Variants in SIPA1L1 observed in about 807,000 individuals in gnomAD.
SIPA1L1 encodes the protein signal-induced proliferation-associated 1-like protein 1.
SIPA1L1 carries 26 observed loss-of-function variants against 162.7 expected under a neutral mutation model. The observed-to-expected ratio is 0.16, with a 90% confidence interval of 0.12 to 0.22. The LOEUF (loss-of-function observed/expected upper bound fraction) is 0.22, where lower values mean the gene tolerates loss of function less well. SIPA1L1 is among the 10% of genes least tolerant of loss of function. SIPA1L1 has a pLI of 1.00. For synonymous variants in SIPA1L1, 829 were observed against 837.4 expected, an observed-to-expected ratio of 0.99 and a Z score of 0.17; for missense variants, 1,874 against 2,241.0, an observed-to-expected ratio of 0.84 and a Z score of 3.31.
At chr14:71,416,750 C>G (rs527478495) in intron 2 of SIPA1L1, among the ~76,000 whole-genome samples, 1 of 151,110 alleles carries the variant, frequency 6.6e-6, no homozygotes, top group African/African-American at 2.4e-5. Flanking sequence ...CACACACACA[C>G]ACGCATGCAC....
At position 71,740,901 on chromosome 14, in the gene SIPA1L1, T is replaced by C. The variant is rs756166464; in HGVS notation, c.*1740T>C. On this transcript the variant is annotated 3_prime_UTR_variant, in exon 24 of 24. Coordinates refer to ENST00000381232, the MANE Select transcript of SIPA1L1 (RefSeq NM_001386936.1). ...GAAGTCTTGCTTATCCTTCTGAGTT[T>C]AGTTCTCATTTTGTTTTACATTTTG... is the stretch of plus-strand genomic sequence containing the variant. The C allele has an allele frequency of 6.6e-6, 1 of 151,850 alleles. No individual in the cohort carries two copies. The highest frequency in any genetic ancestry group is 2.4e-5 in the African/African-American group (1 of 41,476). 9.4% of individuals were successfully genotyped at this position (151,850 alleles called of 1,614,324 possible).
At chr14:71,676,591 C>A (rs1387852713) in intron 12 of SIPA1L1, among the ~76,000 whole-genome samples, 1 of 150,166 alleles carries the variant, frequency 6.7e-6, no homozygotes, top group African/African-American at 2.4e-5. Context: ...TCATCATTTA[C>A]ATTAGGTATA....
intron 4 of SIPA1L1, among the ~76,000 whole-genome samples, chr14:71,567,188 G>A (rs1301602510): frequency 6.6e-6 from 1 of 152,214 alleles, no homozygotes; most frequent in Non-Finnish European, 1.5e-5. Flanking sequence ...CAACTTTGGA[G>A]TGAAGTTTGA....
At chr14:71,538,270 T>G (rs1349862104) in intron 4 of SIPA1L1, among the ~76,000 whole-genome samples, 1 of 152,204 alleles carries the variant, frequency 6.6e-6, no homozygotes, top group Non-Finnish European at 1.5e-5. Flanking sequence ...TTCTAACTAT[T>G]CTTACTTTTT....
chr14:71,610,046 G>C (rs1027864291), intron 5 of SIPA1L1, among the ~76,000 whole-genome samples: 1 of 152,144 alleles, frequency 6.6e-6, no homozygotes, highest in African/African-American at 2.4e-5. Context: ...CAGCAGCTCT[G>C]TTAATTACCA....
At chr14:71,568,797 G>T (rs1197217431) in intron 4 of SIPA1L1, among the ~76,000 whole-genome samples, 1 of 152,162 alleles carries the variant, frequency 6.6e-6, no homozygotes, top group Non-Finnish European at 1.5e-5. Flanking sequence ...ACTATTATGG[G>T]TCCATTTCCG....
At chr14:71,677,317 GTTGT>G (rs1336689632) in intron 12 of SIPA1L1, among the ~76,000 whole-genome samples, 1 of 152,180 alleles carries the variant, frequency 6.6e-6, no homozygotes, top group Non-Finnish European at 1.5e-5. Context: ...TTTTGATGGG[GTTGT>G]TTGATTTTTT....
chr14:71,708,017 T>G lies in SIPA1L1; in HGVS notation c.3766-1205T>G, dbSNP rs1189432564. On this transcript the variant is annotated intron_variant, in intron 16 of 23. Coordinates refer to ENST00000381232, the MANE Select transcript of SIPA1L1 (RefSeq NM_001386936.1). ...TTGTTGGACATTTGTTTTTTGGTGT[T>G]TTTTTTTTTTTGTTTTTTTTTTTTT... is the stretch of plus-strand genomic sequence containing the variant. Among the ~76,000 whole-genome samples, 9 of 22,662 alleles carry G rather than the reference T, an allele frequency of 4.0e-4. No homozygotes were observed. In the African/African-American group the frequency reaches 4.0e-3, roughly 10 times the overall value. 14.9% of individuals were successfully genotyped at this position (22,662 alleles called of 152,430 possible).
chr14:71,559,314 C>T (rs1339118210), intron 4 of SIPA1L1, among the ~76,000 whole-genome samples: 2 of 152,064 alleles, frequency 1.3e-5, no homozygotes, highest in African/African-American at 2.4e-5. Context: ...GTGATCTGCC[C>T]GCCTCGGCCT....
intron 2 of SIPA1L1, among the ~76,000 whole-genome samples, chr14:71,431,652 C>G (rs1284904706): frequency 3.3e-5 from 5 of 151,930 alleles, no homozygotes; most frequent in Non-Finnish European, 5.9e-5. Context: ...TGTGATTGCA[C>G]CACTGTACTC....
At chr14:71,628,082 C>T (rs377684458) in intron 7 of SIPA1L1, among the ~76,000 whole-genome samples, 1 of 151,902 alleles carries the variant, frequency 6.6e-6, no homozygotes, top group South Asian at 2.1e-4. Context: ...CCCAGGAGTT[C>T]GAGACCAGCC....
intron 22 of SIPA1L1, among the ~76,000 whole-genome samples, chr14:71,735,826 A>C (rs1320426096): frequency 6.6e-6 from 1 of 152,154 alleles, no homozygotes; most frequent in East Asian, 1.9e-4. Context: ...TGTGTGTTGG[A>C]AAGCTAAATC....
At chr14:71,331,872 CAG>C (rs981620067) in intron 2 of SIPA1L1, among the ~76,000 whole-genome samples, 20 of 152,184 alleles carry the variant, frequency 1.3e-4, no homozygotes, top group African/African-American at 3.6e-4. Context: ...AACAAAAAAA[CAG>C]AAAACTGATC....
intron 2 of SIPA1L1, among the ~76,000 whole-genome samples, chr14:71,485,257 C>G (rs1400906584): frequency 6.6e-6 from 1 of 152,200 alleles, no homozygotes; most frequent in East Asian, 1.9e-4. Context: ...GCAGTGGCAA[C>G]CAGATATTCA....
chr14:71,727,236 G>A (rs559289603), intron 19 of SIPA1L1, among the ~76,000 whole-genome samples: 1 of 152,180 alleles, frequency 6.6e-6, no homozygotes, highest in African/African-American at 2.4e-5. Context: ...AGGTGGCTTC[G>A]TGTGGCTCCA....
intron 4 of SIPA1L1, among the ~76,000 whole-genome samples, chr14:71,579,358 T>C (rs182768315): frequency 6.6e-6 from 1 of 152,214 alleles, no homozygotes; most frequent in Non-Finnish European, 1.5e-5. Flanking sequence ...AAATATTTTT[T>C]AGTGTATTTA....
intron 7 of SIPA1L1, among the ~76,000 whole-genome samples, chr14:71,639,447 A>G (rs570604851): frequency 1.8e-4 from 28 of 152,316 alleles, no homozygotes; most frequent in South Asian, 8.3e-4. Context: ...GAGGCATACT[A>G]TATTCACAAA....
rs569840746 is a variant in SIPA1L1 at position 71,687,573 on chromosome 14, C to A, written c.3374+1942C>A. On this transcript the variant is annotated intron_variant, in intron 13 of 23. Transcript: ENST00000381232. ...GATTCCATGTTGAATTTAATTTCTGCAACAGAAACTAAAGCTCCTTGCCAG... is the reference window on the plus strand; with the variant it reads ...GATTCCATGTTGAATTTAATTTCTGAAACAGAAACTAAAGCTCCTTGCCAG... 1.5e-3 allele frequency among the ~76,000 whole-genome samples: 229 copies of A among 152,250 alleles called. 1 individual carries two copies. The highest frequency in any genetic ancestry group is 2.6e-3 in the Non-Finnish European group (174 of 68,020).
At chr14:71,524,443 T>C (rs2145042580) in intron 3 of SIPA1L1, among the ~76,000 whole-genome samples, 1 of 152,346 alleles carries the variant, frequency 6.6e-6, no homozygotes, top group Non-Finnish European at 1.5e-5. Flanking sequence ...AACATTACCA[T>C]GGTTCTAAAT....
Sources: gnomAD v4.1 joint callset for allele counts (sites outside exome capture counted in the v4.1 genomes callset) on GRCh38, gnomAD v4.1.1 for gene constraint, MANE v1.5 for transcripts, NCBI Gene and HGNC (gene_info 2026-07-23, HGNC 2026-07-21) for gene names.